Variants in MARCHF5 observed in about 807,000 individuals in gnomAD.
MARCHF5 encodes membrane associated ring-CH-type finger 5.
In MARCHF5, 5 loss-of-function variants were observed where a neutral mutation model predicts 36.5. That is an observed-to-expected ratio of 0.14 (90% CI 0.07 to 0.29). MARCHF5 has a LOEUF of 0.29. Among genes scored for constraint, MARCHF5 ranks in the 10% least tolerant of loss-of-function variants. MARCHF5 has a pLI of 1.00. For synonymous variants in MARCHF5, 103 were observed against 109.9 expected (o/e 0.94, Z 0.39); for missense variants, 179 against 336.3 (o/e 0.53, Z 3.66).
intron 1 of MARCHF5, among the ~76,000 whole-genome samples, chr10:92,306,956 G>A (rs1411443223): frequency 6.6e-6 from 1 of 152,190 alleles, no homozygotes; most frequent in Admixed American, 6.5e-5. Flanking sequence ...AGAGGTTGCA[G>A]TGAGTCAAGA....
intron 2 of MARCHF5, among the ~76,000 whole-genome samples, chr10:92,316,219 A>G (rs527349848): frequency 1.2e-4 from 19 of 152,264 alleles, no homozygotes; most frequent in African/African-American, 4.1e-4. Context: ...TAGCTGGCCA[A>G]TTCTGCATCT....
At chr10:92,319,806 C>T (rs1244797942) in intron 2 of MARCHF5, among the ~76,000 whole-genome samples, 1 of 150,552 alleles carries the variant, frequency 6.6e-6, no homozygotes, top group Non-Finnish European at 1.5e-5. Flanking sequence ...AGGCACCTGC[C>T]ACCGTGCCCA....
intron 2 of MARCHF5, among the ~76,000 whole-genome samples, chr10:92,315,119 G>A (rs994665312): frequency 6.6e-6 from 1 of 152,088 alleles, no homozygotes; most frequent in African/African-American, 2.4e-5. Flanking sequence ...ATAATTGTTG[G>A]TTAAAAGAAA....
chr10:92,333,693 G>C, intron 2 of MARCHF5: 2 of 981,458 alleles, frequency 2.0e-6, no homozygotes, highest in South Asian at 4.7e-5. Context: ...GGGGTAGTCA[G>C]CCTCTATCAA....
intron 2 of MARCHF5, among the ~76,000 whole-genome samples, chr10:92,337,273 C>T (rs576031859): frequency 1.3e-4 from 20 of 152,038 alleles, no homozygotes; most frequent in Admixed American, 7.9e-4. Flanking sequence ...CCCAACACTT[C>T]GGGAGGCTGA....
intron 2 of MARCHF5, among the ~76,000 whole-genome samples, chr10:92,328,214 T>C (rs1261775267): frequency 6.6e-6 from 1 of 151,794 alleles, no homozygotes; most frequent in African/African-American, 2.4e-5. Context: ...GTCTTTATTC[T>C]GTTCCAGAAT....
chr10:92,296,575 G>A (rs1432072868), intron 1 of MARCHF5, among the ~76,000 whole-genome samples: 1 of 152,152 alleles, frequency 6.6e-6, no homozygotes, highest in East Asian at 1.9e-4. Flanking sequence ...CCTCTGATTT[G>A]AAGCCTGGAC....
intron 2 of MARCHF5, among the ~76,000 whole-genome samples, chr10:92,338,532 T>G (rs1173374759): frequency 6.6e-6 from 1 of 152,244 alleles, no homozygotes; most frequent in South Asian, 2.1e-4. Context: ...AGAAGATACC[T>G]TATCATTGTT....
intron 3 of MARCHF5, among the ~76,000 whole-genome samples, chr10:92,341,821 T>C (rs1843583648): frequency 7.1e-6 from 1 of 141,238 alleles, no homozygotes; most frequent in African/African-American, 2.6e-5. Context: ...AAGGTCTTGC[T>C]CTGCATAGCC....
At chr10:92,342,258 C>T (rs1342672993) in intron 3 of MARCHF5, among the ~76,000 whole-genome samples, 4 of 152,036 alleles carry the variant, frequency 2.6e-5, no homozygotes, top group South Asian at 2.1e-4. Context: ...AAACGATCCT[C>T]CTGCCTCAAC....
chr10:92,322,743 C>CT (rs1423664152), intron 2 of MARCHF5, among the ~76,000 whole-genome samples: 5 of 144,404 alleles, frequency 3.5e-5, no homozygotes, highest in Non-Finnish European at 7.6e-5. Flanking sequence ...TTTTTTTTTT[C>CT]TTTCTTTGTT....
At chr10:92,313,819 T>G (rs1843175276) in intron 2 of MARCHF5, among the ~76,000 whole-genome samples, 2 of 152,010 alleles carry the variant, frequency 1.3e-5, no homozygotes, top group Admixed American at 1.3e-4. Flanking sequence ...CCTTAGCCTG[T>G]GAGGTGGAGG....
In MARCHF5 at chr10:92,294,853, C is replaced by T. The variant is rs553397505; in HGVS notation, c.35+3324C>T. On this transcript the variant is annotated intron_variant, in intron 1 of 5. Transcript: ENST00000358935. ...AGGAGTTAGACACCAGTGTGGGCAA[C>T]ATGGCAAGACTCAGTCTTTACAAAA... Among the ~76,000 whole-genome samples, 171 of 152,172 alleles carry T rather than the reference C, an allele frequency of 1.1e-3. 5 individuals carry two copies. In the South Asian group the frequency reaches 0.035, roughly 31 times the overall value.
chr10:92,294,177 A>G (rs937090818), intron 1 of MARCHF5, among the ~76,000 whole-genome samples: 3 of 152,200 alleles, frequency 2.0e-5, no homozygotes, highest in Non-Finnish European at 4.4e-5. Context: ...TCATGATAAG[A>G]GATAGTAGGG....
chr10:92,329,190 C>G (rs530712755), intron 2 of MARCHF5, among the ~76,000 whole-genome samples: 23 of 152,214 alleles, frequency 1.5e-4, no homozygotes, highest in African/African-American at 5.5e-4. Flanking sequence ...GCCAAATTTC[C>G]TGCCACAGGT....
chr10:92,339,949 T>G (rs1196730358), intron 2 of MARCHF5, among the ~76,000 whole-genome samples: 1 of 152,126 alleles, frequency 6.6e-6, no homozygotes, highest in Non-Finnish European at 1.5e-5. Flanking sequence ...AAAAGAAATT[T>G]GTTAGAGAAT....
At position 92,351,800 on chromosome 10, in the gene MARCHF5, G is replaced by A. The variant is rs2063784026; in HGVS notation, c.*593G>A. On this transcript the variant is annotated 3_prime_UTR_variant, in exon 6 of 6. Coordinates refer to ENST00000358935, the MANE Select transcript of MARCHF5 (RefSeq NM_017824.5). Reference sequence around the variant, plus strand: ...TGTGATGTCCTCCAAAATGTGTAGGGTAAAAATTCACAGGGCTTCCAGATC... The same window carrying A: ...TGTGATGTCCTCCAAAATGTGTAGGATAAAAATTCACAGGGCTTCCAGATC... The A allele has an allele frequency of 6.6e-6, 1 of 152,466 alleles. No homozygotes were observed. The highest frequency in any genetic ancestry group is 1.5e-5 in the Non-Finnish European group (1 of 68,012). 9.4% of individuals were successfully genotyped at this position (152,466 alleles called of 1,614,324 possible). A position where few individuals can be genotyped will look rare whatever the true frequency, so the allele number is the denominator to read the frequency against.
intron 2 of MARCHF5, among the ~76,000 whole-genome samples, chr10:92,315,510 T>C (rs1402284786): frequency 4.6e-5 from 7 of 152,230 alleles, no homozygotes; most frequent in African/African-American, 1.7e-4. Context: ...ACTGGAGTTG[T>C]TGAAAATGAT....
chr10:92,337,612 C>T lies in MARCHF5; in HGVS notation c.239-3061C>T, dbSNP rs563125039. Among the ~76,000 whole-genome samples, 170 of 151,570 alleles carry T rather than the reference C, an allele frequency of 1.1e-3. 5 individuals carry two copies. In the South Asian group the frequency reaches 0.035, roughly 31 times the overall value. ...AATGAAGCAGTGGGGCAAAAAGGCT[C>T]AAGAAAATAATTTGGTTTTAATTTT... On this transcript the variant is annotated intron_variant, in intron 2 of 5. Coordinates refer to ENST00000358935, the MANE Select transcript of MARCHF5 (RefSeq NM_017824.5).
Sources: gnomAD v4.1 joint callset for allele counts (sites outside exome capture counted in the v4.1 genomes callset) on GRCh38, gnomAD v4.1.1 for gene constraint, MANE v1.5 for transcripts, NCBI Gene and HGNC (gene_info 2026-07-23, HGNC 2026-07-21) for gene names.